RHOA: variants seen among roughly 807,000 people sequenced by gnomAD.
RHOA encodes ras homolog family member A.
RHOA carries 3 observed loss-of-function variants against 17.5 expected under a neutral mutation model. The observed-to-expected ratio is 0.17, with a 90% CI of 0.08 to 0.44. The LOEUF (loss-of-function observed/expected upper bound fraction) is 0.44, where lower values mean the gene tolerates loss of function less well. Among genes scored for constraint, RHOA ranks in the 20% least tolerant of loss-of-function variants. The pLI, the probability that RHOA is intolerant of heterozygous loss-of-function variation, is 0.99. For synonymous variants in RHOA, 98 were observed against 88.4 expected, an observed-to-expected ratio of 1.11 and a Z score of -0.61; for missense variants, 56 against 242.3, an observed-to-expected ratio of 0.23 and a Z score of 5.10.
intron 1 of RHOA, among the ~76,000 whole-genome samples, chr3:49,380,708 AATAATAATAAT>A (rs1211878619): frequency 2.2e-4 from 33 of 146,722 alleles, no homozygotes; most frequent in African/African-American, 8.0e-4. Context: ...TAATAATAAT[AATAATAATAAT>A]AAATACTCAT....
At chr3:49,407,749 C>T (rs1329655044) in intron 1 of RHOA, among the ~76,000 whole-genome samples, 2 of 151,998 alleles carry the variant, frequency 1.3e-5, no homozygotes, top group African/African-American at 4.8e-5. Flanking sequence ...TGGCCCCTGC[C>T]CACCTCTCTA....
intron 2 of RHOA, among the ~76,000 whole-genome samples, chr3:49,368,897 CG>C (rs1410915477): frequency 6.8e-6 from 1 of 147,990 alleles, no homozygotes; most frequent in Non-Finnish European, 1.5e-5. Context: ...TTAGTAGAGA[CG>C]GGGTTTCACT....
intron 1 of RHOA, among the ~76,000 whole-genome samples, chr3:49,377,366 G>A (rs893477485): frequency 6.6e-6 from 1 of 151,684 alleles, no homozygotes. Flanking sequence ...GCCGAAACAG[G>A]TGGACTGCTT....
rs182118458 is a variant in RHOA at position 49,363,849 on chromosome 3, C to G, written c.278-1223G>C. Among the ~76,000 whole-genome samples the G allele has an allele frequency of 2.6e-5, 4 of 151,666 alleles. No homozygotes were observed. In the East Asian group the frequency reaches 7.8e-4, roughly 30 times the overall value. ...CCAGCCTGGGCAACAGAGTGAGACTCTGTATCAAAAAAGTCAAAAACCCCA... is the reference window on the plus strand; with the variant it reads ...CCAGCCTGGGCAACAGAGTGAGACTGTGTATCAAAAAAGTCAAAAACCCCA... On this transcript the variant is annotated intron_variant, in intron 3 of 4. Transcript: ENST00000418115.
chr3:49,360,499 C>G, intron 4 of RHOA, 117 bp from the exon 5 acceptor site: 1 of 1,114,710 alleles, frequency 9.0e-7, no homozygotes, highest in African/African-American at 1.6e-5. Flanking sequence ...CAGTTTTGCT[C>G]GTCGGTCGCC....
At chr3:49,396,631 T>C (rs562913710) in intron 1 of RHOA, among the ~76,000 whole-genome samples, 1 of 151,754 alleles carries the variant, frequency 6.6e-6, no homozygotes, top group African/African-American at 2.4e-5. Flanking sequence ...CGCTTGAACC[T>C]GGGAGGTGGA....
chr3:49,369,716 A>G (rs2048120856), intron 2 of RHOA, among the ~76,000 whole-genome samples: 1 of 149,632 alleles, frequency 6.7e-6, no homozygotes, highest in Non-Finnish European at 1.5e-5. Flanking sequence ...GCACTCCAGC[A>G]TGGGCGACAA....
Position 49,359,734 on chromosome 3 carries a change from C to CT in RHOA, c.*474dup, listed in dbSNP as rs1305872648. The stretch of plus-strand genomic sequence containing the variant: ...TCTGCCACAGCTGCATGAACTTGGG[C>CT]TTTTCTGGTTGAGCCCATTTTCAAA... On this transcript the variant is annotated 3_prime_UTR_variant, in exon 5 of 5. Transcript: ENST00000418115. 4.4e-6 allele frequency: 1 copy of CT among 227,782 alleles called. No homozygotes were observed. The highest frequency in any genetic ancestry group is 8.7e-6 in the Non-Finnish European group (1 of 114,476). The allele number at this position is 227,782 out of a possible 1,614,324, so 14.1% of individuals were successfully genotyped here.
At chr3:49,394,328 G>A (rs531189664) in intron 1 of RHOA, among the ~76,000 whole-genome samples, 3 of 151,058 alleles carry the variant, frequency 2.0e-5, no homozygotes, top group East Asian at 2.0e-4. Context: ...TTATTGCCCC[G>A]ACTGGTCTCA....
At chr3:49,372,478 C>T (rs1286143222) in intron 2 of RHOA, among the ~76,000 whole-genome samples, 2 of 152,158 alleles carry the variant, frequency 1.3e-5, no homozygotes, top group African/African-American at 4.8e-5. Flanking sequence ...CAGTGGCTCA[C>T]GCCTGTAATC....
intron 3 of RHOA, among the ~76,000 whole-genome samples, chr3:49,363,096 T>C (rs2047997226): frequency 1.3e-5 from 2 of 152,216 alleles, no homozygotes; most frequent in African/African-American, 2.4e-5. Context: ...TTCTACCCTA[T>C]GGGGTTTACT....
At chr3:49,379,346 T>C (rs1230085007) in intron 1 of RHOA, among the ~76,000 whole-genome samples, 4 of 151,982 alleles carry the variant, frequency 2.6e-5, no homozygotes, top group South Asian at 4.1e-4. Context: ...AAAGAGAAAA[T>C]AGACTGGTAG....
At chr3:49,360,428 A>G (rs866162292) in intron 4 of RHOA, 46 bp from the exon 5 acceptor site, 2 of 1,530,102 alleles carry the variant, frequency 1.3e-6, no homozygotes, top group Middle Eastern at 1.7e-4. Flanking sequence ...AGTGTGGCAT[A>G]CATATAGTAA....
intron 1 of RHOA, among the ~76,000 whole-genome samples, chr3:49,395,368 A>G (rs1335230836): frequency 1.3e-5 from 2 of 152,110 alleles, no homozygotes; most frequent in East Asian, 1.9e-4. Flanking sequence ...CTATTCTGTA[A>G]GGAAGGGAAA....
At chr3:49,380,719 T>A (rs561688516) in intron 1 of RHOA, among the ~76,000 whole-genome samples, 23 of 125,120 alleles carry the variant, frequency 1.8e-4, no homozygotes, top group Admixed American at 3.5e-4. Context: ...ATAATAATAA[T>A]AAATACTCAT....
chr3:49,383,243 C>G (rs1303154261), intron 1 of RHOA, among the ~76,000 whole-genome samples: 3 of 151,572 alleles, frequency 2.0e-5, no homozygotes, highest in African/African-American at 7.3e-5. Context: ...ACCATCCCGG[C>G]TAACATTTCT....
intron 1 of RHOA, among the ~76,000 whole-genome samples, chr3:49,380,975 C>A (rs1222770600): frequency 6.6e-6 from 1 of 151,300 alleles, no homozygotes; most frequent in Non-Finnish European, 1.5e-5. Flanking sequence ...AGAATTTTAT[C>A]CAAATCTACA....
At chr3:49,404,979 G>A (rs1381795603) in intron 1 of RHOA, among the ~76,000 whole-genome samples, 1 of 150,130 alleles carries the variant, frequency 6.7e-6, no homozygotes, top group Non-Finnish European at 1.5e-5. Context: ...CAGGCGCGGT[G>A]GCTCACACCT....
chr3:49,393,725 T>TGAGA (rs1386477364), intron 1 of RHOA, among the ~76,000 whole-genome samples: 108 of 107,044 alleles, frequency 1.0e-3, no homozygotes, highest in Admixed American at 3.7e-3. Context: ...TGTGTGTGTG[T>TGAGA]GTGTGACAGA....
Sources: gnomAD v4.1 joint callset for allele counts (sites outside exome capture counted in the v4.1 genomes callset) on GRCh38, gnomAD v4.1.1 for gene constraint, MANE v1.5 for transcripts, NCBI Gene and HGNC (gene_info 2026-07-23, HGNC 2026-07-21) for gene names.